The following CDC42BPB variants were observed in gnomAD, a reference collection of about 807,000 sequenced individuals.
CDC42BPB encodes serine/threonine-protein kinase MRCK beta.
In CDC42BPB, 37 loss-of-function variants were observed where a neutral mutation model predicts 214.9. That is an observed-to-expected ratio of 0.17 (90% CI 0.13 to 0.23). The LOEUF (loss-of-function observed/expected upper bound fraction) is 0.23. Among genes scored for constraint, CDC42BPB ranks in the 10% least tolerant of loss-of-function variants. CDC42BPB has a pLI of 1.00. For synonymous variants in CDC42BPB, 931 were observed against 884.0 expected (o/e 1.05, Z -0.94); for missense variants, 1,694 against 2,227.0 (o/e 0.76, Z 4.82).
chr14:102,959,676 A>G lies in CDC42BPB; in HGVS notation c.2856T>C (p.Phe952=). ...CAAGAGGAGCAGTGTTGAAATACTCAAAAATGGAATCCTGAAAATCTGGAA... is the reference window on the plus strand; with the variant it reads ...CAAGAGGAGCAGTGTTGAAATACTCGAAAATGGAATCCTGAAAATCTGGAA... ...LKLPDFQDSI[F]EYFNTAPLAH... The change falls in exon 21 of 37, where the codon TTT becomes TTC. Residue 952 remains phenylalanine (F), a synonymous_variant. Transcript: ENST00000361246. The G allele has an allele frequency of 6.2e-7, 1 of 1,612,508 alleles. No homozygotes were observed. The highest frequency in any genetic ancestry group is 1.1e-5 in the South Asian group (1 of 90,592).
At chr14:102,946,819 C>T (rs1192713480) in intron 27 of CDC42BPB, 135 bp from the exon 28 acceptor site, 2 of 1,454,712 alleles carry the variant, frequency 1.4e-6, no homozygotes, top group Non-Finnish European at 1.8e-6. Context: ...GGACCCCTGA[C>T]TCCACCTCGC....
chr14:103,033,246 GA>G, intron 1 of CDC42BPB, among the ~76,000 whole-genome samples: 1 of 152,128 alleles, frequency 6.6e-6, no homozygotes, highest in Admixed American at 6.5e-5. Flanking sequence ...TTTTGAGACG[GA>G]GTATCGCTCT....
At chr14:103,005,884 G>T (rs969751976) in intron 3 of CDC42BPB, among the ~76,000 whole-genome samples, 10 of 152,068 alleles carry the variant, frequency 6.6e-5, no homozygotes, top group African/African-American at 2.4e-4. Context: ...GCTAGGCGTG[G>T]TGGCGGGTGC....
intron 19 of CDC42BPB, 121 bp from the exon 20 acceptor site, chr14:102,963,276 C>T (rs578229049): frequency 2.5e-5 from 35 of 1,407,294 alleles, no homozygotes; most frequent in Admixed American, 6.1e-5. Context: ...GTCCAGAACA[C>T]GGTAGCTCAT....
intron 34 of CDC42BPB, among the ~76,000 whole-genome samples, chr14:102,939,132 G>T (rs1428680402): frequency 1.3e-5 from 2 of 151,672 alleles, no homozygotes; most frequent in East Asian, 3.9e-4. Flanking sequence ...GTAGAGACAG[G>T]GTTTCACCGT....
intron 2 of CDC42BPB, among the ~76,000 whole-genome samples, chr14:103,010,864 T>C (rs559414970): frequency 1.3e-5 from 2 of 152,120 alleles, no homozygotes; most frequent in Non-Finnish European, 2.9e-5. Context: ...ACCCCATCTC[T>C]ACTAAAAATA....
chr14:103,040,080 C>T (rs1199208910), intron 1 of CDC42BPB, among the ~76,000 whole-genome samples: 1 of 152,174 alleles, frequency 6.6e-6, no homozygotes, highest in Non-Finnish European at 1.5e-5. Context: ...AGTGGCCAGG[C>T]GCAGTGGCTC....
chr14:103,028,207 A>G (rs1887157698), intron 1 of CDC42BPB, among the ~76,000 whole-genome samples: 1 of 152,252 alleles, frequency 6.6e-6, no homozygotes, highest in Admixed American at 6.5e-5. Flanking sequence ...TGTGTACCAC[A>G]CATGAGGGGG....
chr14:102,945,824 C>CA (rs1458555364), intron 28 of CDC42BPB, 100 bp from the exon 29 acceptor site: 2 of 1,001,760 alleles, frequency 2.0e-6, no homozygotes, highest in Non-Finnish European at 3.1e-6. Flanking sequence ...ACTTTTCAAC[C>CA]ATATGTGGAT....
intron 34 of CDC42BPB, 43 bp downstream of exon 34, chr14:102,939,567 G>T: frequency 7.3e-7 from 1 of 1,378,238 alleles, no homozygotes. Context: ...CGGGGAGGAG[G>T]AGATGGGGTG....
chr14:102,951,097 G>A (rs1416193507), intron 24 of CDC42BPB, among the ~76,000 whole-genome samples: 1 of 152,232 alleles, frequency 6.6e-6, no homozygotes, highest in African/African-American at 2.4e-5. Flanking sequence ...GCATGAATGC[G>A]TCTTCAGCAT....
chr14:102,974,717 G>T (rs1301869281), intron 11 of CDC42BPB, among the ~76,000 whole-genome samples: 4 of 152,212 alleles, frequency 2.6e-5, no homozygotes, highest in African/African-American at 9.6e-5. Context: ...CAGCACTTCG[G>T]GAGGCCAAGG....
chr14:103,044,458 C>G (rs953594657), intron 1 of CDC42BPB, among the ~76,000 whole-genome samples: 3 of 151,640 alleles, frequency 2.0e-5, no homozygotes, highest in Admixed American at 2.0e-4. Context: ...CAACCTCCAC[C>G]TCCCGGGTTC....
intron 21 of CDC42BPB, among the ~76,000 whole-genome samples, chr14:102,957,223 A>G (rs956223531): frequency 2.2e-4 from 32 of 146,364 alleles, no homozygotes; most frequent in Non-Finnish European, 7.5e-5. Context: ...AAAAAAAAAA[A>G]GGGAGGGATG....
intron 27 of CDC42BPB, 167 bp from the exon 28 acceptor site, chr14:102,946,851 C>A: frequency 3.0e-6 from 3 of 985,472 alleles, no homozygotes; most frequent in Non-Finnish European, 3.6e-6. Context: ...CAGAGGCTCC[C>A]GCGGCAGGAC....
chr14:102,959,821 T>G, intron 20 of CDC42BPB, 111 bp from the exon 21 acceptor site: 1 of 895,164 alleles, frequency 1.1e-6, no homozygotes, highest in Non-Finnish European at 1.4e-6. Context: ...AACTGATACA[T>G]CTGACATGAT....
At chr14:103,056,518 G>A (rs1012633310) in intron 1 of CDC42BPB, among the ~76,000 whole-genome samples, 4 of 152,062 alleles carry the variant, frequency 2.6e-5, no homozygotes, top group Admixed American at 2.6e-4. Flanking sequence ...CGTGGGGTGG[G>A]GAAAGGGAAC....
At chr14:103,046,575 A>G (rs1175093093) in intron 1 of CDC42BPB, among the ~76,000 whole-genome samples, 3 of 152,232 alleles carry the variant, frequency 2.0e-5, no homozygotes, top group African/African-American at 4.8e-5. Flanking sequence ...GAATCAATAA[A>G]ACATTAAACA....
At chr14:102,935,509 G>A (rs1260870183) in intron 36 of CDC42BPB, among the ~76,000 whole-genome samples, 1 of 152,180 alleles carries the variant, frequency 6.6e-6, no homozygotes, top group Non-Finnish European at 1.5e-5. Flanking sequence ...GCTGTACTAG[G>A]CCGGGTATAG....
Sources: gnomAD v4.1 joint callset for allele counts (sites outside exome capture counted in the v4.1 genomes callset) on GRCh38, gnomAD v4.1.1 for gene constraint, MANE v1.5 for transcripts, NCBI Gene and HGNC (gene_info 2026-07-23, HGNC 2026-07-21) for gene names.